WIPF3: variants seen among roughly 807,000 people sequenced by gnomAD.
The protein encoded by WIPF3 is WAS/WASL-interacting protein family member 3.
WIPF3 carries 33 observed loss-of-function variants against 38.9 expected under a neutral mutation model. The observed-to-expected ratio is 0.85, with a 90% CI of 0.64 to 1.14. WIPF3 has a LOEUF of 1.14. Ranked by LOEUF, WIPF3 falls within the 50% of genes most tolerant of loss-of-function variation. The pLI is 0.00. For synonymous variants in WIPF3, 324 were observed against 269.3 expected (o/e 1.20, Z -1.99); for missense variants, 711 against 652.5 (o/e 1.09, Z -0.98).
intron 2 of WIPF3, among the ~76,000 whole-genome samples, chr7:29,838,849 T>G (rs980034317): frequency 2.6e-5 from 4 of 152,162 alleles, no homozygotes; most frequent in Non-Finnish European, 5.9e-5. Context: ...TGATAAAATG[T>G]GTGTTATGGT....
At chr7:29,882,837 C>A (rs1785750720) in intron 4 of WIPF3, among the ~76,000 whole-genome samples, 1 of 152,080 alleles carries the variant, frequency 6.6e-6, no homozygotes, top group African/African-American at 2.4e-5. Flanking sequence ...AAAACACCCC[C>A]CAGAATTCTT....
chr7:29,836,640 A>C (rs1306456170), intron 2 of WIPF3, among the ~76,000 whole-genome samples: 3 of 152,240 alleles, frequency 2.0e-5, no homozygotes, highest in Non-Finnish European at 4.4e-5. Context: ...AACTAAATGA[A>C]ATGTGTTATG....
intron 1 of WIPF3, among the ~76,000 whole-genome samples, chr7:29,825,294 A>G (rs1242286777): frequency 6.6e-6 from 1 of 152,166 alleles, no homozygotes; most frequent in Admixed American, 6.5e-5. Flanking sequence ...GTGTTTTCCT[A>G]TGTAACAAAC....
intron 6 of WIPF3, 121 bp downstream of exon 6, chr7:29,888,338 A>G: frequency 1.6e-6 from 2 of 1,275,744 alleles, no homozygotes; most frequent in South Asian, 3.0e-5. Flanking sequence ...TCTTTCATGA[A>G]CAGGGGCTCA....
intron 2 of WIPF3, among the ~76,000 whole-genome samples, chr7:29,835,973 G>A (rs1784793322): frequency 6.6e-6 from 1 of 152,196 alleles, no homozygotes; most frequent in Non-Finnish European, 1.5e-5. Flanking sequence ...CCTGGTGAGG[G>A]TGAGAGTATG....
In WIPF3 at chr7:29,884,264, T is replaced by TGAC; in HGVS notation, c.770_771insGAC (p.Leu257_Pro258insThr). ...AAGCCTCAGCTGGCTCCCTTGCACC[T>TGAC]CCCGCCCATCCCGCCCCCGCTCCCT... is the stretch of plus-strand genomic sequence containing the variant. On this transcript the variant is annotated inframe_insertion, in exon 5 of 9. Transcript: ENST00000242140. 7.6e-7 allele frequency: 1 copy of TGAC among 1,315,280 alleles called. No homozygotes were observed. Among genetic ancestry groups the TGAC allele is most frequent in the Non-Finnish European group, 1.0e-6 (1 of 992,704 alleles). 81.5% of individuals were successfully genotyped at this position (1,315,280 alleles called of 1,614,324 possible). A position where few individuals can be genotyped will look rare whatever the true frequency, so the allele number is the denominator to read the frequency against.
intron 7 of WIPF3, among the ~76,000 whole-genome samples, chr7:29,890,952 C>CCTGCCTTGTGCTCAGGTGGAGGGGGCGA (rs1562787981): frequency 1.4e-4 from 6 of 43,292 alleles, no homozygotes; most frequent in Admixed American, 2.3e-4. Context: ...GGAGGGGGCG[C>CCTGCCTTGTGCTCAGGTGGAGGGGGCGA]GGGCCTGCCC....
At chr7:29,880,781 T>C (rs1208410395) in intron 4 of WIPF3, among the ~76,000 whole-genome samples, 2 of 152,176 alleles carry the variant, frequency 1.3e-5, no homozygotes, top group African/African-American at 4.8e-5. Context: ...TGTTCCAGGA[T>C]GGAAACTCAA....
At chr7:29,807,115 G>A (rs1490630007) in intron 1 of WIPF3, among the ~76,000 whole-genome samples, 2 of 152,138 alleles carry the variant, frequency 1.3e-5, no homozygotes, top group African/African-American at 4.8e-5. Context: ...GGAGGGGGCT[G>A]TCGCGGGAAG....
chr7:29,828,615 C>A (rs886393561), intron 1 of WIPF3, among the ~76,000 whole-genome samples: 4 of 152,226 alleles, frequency 2.6e-5, no homozygotes, highest in African/African-American at 9.6e-5. Context: ...CTGGCCAATA[C>A]TGGGCTCGTA....
chr7:29,845,680 G>T (rs1384350936), intron 2 of WIPF3, among the ~76,000 whole-genome samples: 2 of 152,234 alleles, frequency 1.3e-5, no homozygotes, highest in Admixed American at 6.5e-5. Context: ...CCTAGATAAT[G>T]TTGTGAGCTC....
rs1300581662 is a variant in WIPF3, at chr7:29,834,681, C to G, written c.-44C>G. 8 of 1,451,556 alleles carry G rather than the reference C, an allele frequency of 5.5e-6. No homozygotes were observed. The highest frequency in any genetic ancestry group is 7.2e-6 in the Non-Finnish European group (8 of 1,104,470). 89.9% of individuals were successfully genotyped at this position (1,451,556 alleles called of 1,614,324 possible). A position where few individuals can be genotyped will look rare whatever the true frequency, so the allele number is the denominator to read the frequency against. On this transcript the variant is annotated 5_prime_UTR_variant, in exon 2 of 9. Transcript: ENST00000242140. ...TCTCTTTTTCAGAGCAGAAGCCACT[C>G]TCTTGGGACCATTCATAAGCAGGAG... is the stretch of plus-strand genomic sequence containing the variant.
At chr7:29,879,571 T>G (rs1390557151) in intron 4 of WIPF3, among the ~76,000 whole-genome samples, 1 of 152,254 alleles carries the variant, frequency 6.6e-6, no homozygotes, top group Non-Finnish European at 1.5e-5. Context: ...ACCCTAAAAC[T>G]TAAAAGCTTT....
At chr7:29,886,568 G>T (rs1213387326) in intron 5 of WIPF3, among the ~76,000 whole-genome samples, 1 of 151,824 alleles carries the variant, frequency 6.6e-6, no homozygotes, top group Non-Finnish European at 1.5e-5. Context: ...TGTTGGCCAG[G>T]CTGGTCTCGA....
intron 1 of WIPF3, among the ~76,000 whole-genome samples, chr7:29,822,761 T>C (rs1784561391): frequency 2.0e-5 from 3 of 152,230 alleles, no homozygotes; most frequent in Non-Finnish European, 2.9e-5. Context: ...TACGGAGATA[T>C]AGTTTTACCA....
chr7:29,851,786 A>G (rs1785102476), intron 2 of WIPF3, among the ~76,000 whole-genome samples: 1 of 152,148 alleles, frequency 6.6e-6, no homozygotes, highest in South Asian at 2.1e-4. Flanking sequence ...CTGCCTCATC[A>G]GTGCCCTCTG....
chr7:29,830,801 A>C (rs939675225), intron 1 of WIPF3, among the ~76,000 whole-genome samples: 3 of 152,216 alleles, frequency 2.0e-5, no homozygotes, highest in Admixed American at 2.0e-4. Context: ...AGAGGATTAC[A>C]TAAAATGTCT....
chr7:29,850,336 G>A (rs1435885454), intron 2 of WIPF3, among the ~76,000 whole-genome samples: 2 of 152,216 alleles, frequency 1.3e-5, no homozygotes, highest in Non-Finnish European at 2.9e-5. Context: ...AAGTTCAGGA[G>A]CCATGACTTT....
intron 1 of WIPF3, among the ~76,000 whole-genome samples, chr7:29,818,204 C>A (rs1431818212): frequency 6.6e-6 from 1 of 152,048 alleles, no homozygotes; most frequent in Non-Finnish European, 1.5e-5. Context: ...GTAATCCCAG[C>A]ACTTTGGGAG....
Sources: allele counts gnomAD v4.1 joint callset (sites outside exome capture counted in the v4.1 genomes callset), GRCh38; gene constraint gnomAD v4.1.1; transcripts MANE v1.5; gene names NCBI Gene and HGNC (gene_info 2026-07-23, HGNC 2026-07-21).